TIPIN: variants seen among roughly 807,000 people sequenced by gnomAD.
The protein encoded by TIPIN is TIMELESS-interacting protein.
A neutral mutation model predicts 35.6 loss-of-function variants in TIPIN; 29 were observed. The ratio of observed to expected loss-of-function variants is 0.82; its 90% CI spans 0.61 to 1.11. The LOEUF (loss-of-function observed/expected upper bound fraction) is 1.11, where lower values mean the gene tolerates loss of function less well. TIPIN is among the 50% of genes most tolerant of loss of function. TIPIN has a pLI of 0.00. For synonymous variants in TIPIN, 102 were observed against 121.5 expected (o/e 0.84, Z 1.06); for missense variants, 296 against 345.4 (o/e 0.86, Z 1.13).
intron 1 of TIPIN, 62 bp from the exon 2 acceptor site, chr15:66,353,017 T>A: frequency 6.8e-7 from 1 of 1,479,362 alleles, no homozygotes. Context: ...TATAGACAAG[T>A]TCTACCTGCA....
chr15:66,369,286 G>T (rs2093269002), intron 1 of TIPIN, among the ~76,000 whole-genome samples: 1 of 151,490 alleles, frequency 6.6e-6, no homozygotes, highest in Non-Finnish European at 1.5e-5. Context: ...GAGATTCCTT[G>T]CTCCCTGGGA....
upstream of TIPIN, among the ~76,000 whole-genome samples, chr15:66,359,026 T>C (rs1181356959): frequency 4.7e-5 from 7 of 148,184 alleles, no homozygotes; most frequent in South Asian, 4.3e-4. Flanking sequence ...CTGGGTGATA[T>C]AACTAGACTC....
At chr15:66,353,013 C>T in intron 1 of TIPIN, 58 bp from the exon 2 acceptor site, 2 of 1,490,140 alleles carry the variant, frequency 1.3e-6, no homozygotes, top group Admixed American at 2.0e-5. Flanking sequence ...ACTATATAGA[C>T]AAGTTCTACC....
chr15:66,336,521 T>C lies in TIPIN; in HGVS notation c.*437A>G. ...GTGAGCCAAGACTGTGCCACTGCACTCCAGCCTGGCCAACAGAGTGAGACT... is the reference window on the plus strand; with the variant it reads ...GTGAGCCAAGACTGTGCCACTGCACCCCAGCCTGGCCAACAGAGTGAGACT... On this transcript the variant is annotated 3_prime_UTR_variant, in exon 8 of 8. Coordinates refer to ENST00000261881, the MANE Select transcript of TIPIN (RefSeq NM_017858.3). 1 of 171,210 alleles carries C rather than the reference T, an allele frequency of 5.8e-6. No homozygotes were observed. Among genetic ancestry groups the C allele is most frequent in the Non-Finnish European group, 1.3e-5 (1 of 78,748 alleles). 10.6% of individuals were successfully genotyped at this position (171,210 alleles called of 1,614,324 possible). A position where few individuals can be genotyped will look rare whatever the true frequency, so the allele number is the denominator to read the frequency against.
intron 1 of TIPIN, among the ~76,000 whole-genome samples, chr15:66,381,164 G>A (rs1395685037): frequency 3.3e-5 from 5 of 152,090 alleles, no homozygotes; most frequent in African/African-American, 4.8e-5. Flanking sequence ...GGCCGGGCAC[G>A]GTGGCTCACA....
At chr15:66,347,004 C>T (rs960387195) in intron 6 of TIPIN, among the ~76,000 whole-genome samples, 1 of 152,012 alleles carries the variant, frequency 6.6e-6, no homozygotes, top group African/African-American at 2.4e-5. Flanking sequence ...ACCATGTTAG[C>T]CAGGATGGTC....
In TIPIN at chr15:66,352,797, A is replaced by C. The variant is rs2093176894; in HGVS notation, c.133+18T>G. On this transcript the variant is annotated intron_variant, in intron 2 of 7. Coordinates refer to ENST00000261881, the MANE Select transcript of TIPIN (RefSeq NM_017858.3). Reference sequence around the variant, plus strand: ...TGCCTGGCCTCACAGCCTCCTTTTTAAAACTCTCTATACATACCTTCATCA... The same window carrying C: ...TGCCTGGCCTCACAGCCTCCTTTTTCAAACTCTCTATACATACCTTCATCA... The C allele has an allele frequency of 6.3e-7, 1 of 1,587,516 alleles. No homozygotes were observed. Among genetic ancestry groups the C allele is most frequent in the South Asian group, 1.1e-5 (1 of 87,818 alleles).
At chr15:66,356,107 A>G (rs1009520374) in intron 1 of TIPIN, among the ~76,000 whole-genome samples, 1 of 152,126 alleles carries the variant, frequency 6.6e-6, no homozygotes, top group Non-Finnish European at 1.5e-5. Context: ...TGTCCAAACC[A>G]CGGTTTGTTC....
At chr15:66,367,535 C>T (rs2093261176) in intron 1 of TIPIN, among the ~76,000 whole-genome samples, 1 of 151,646 alleles carries the variant, frequency 6.6e-6, no homozygotes, top group Non-Finnish European at 1.5e-5. Context: ...GCTGGAACTA[C>T]AGGCACCCAC....
chr15:66,360,881 G>A (rs1013458040), upstream of TIPIN, among the ~76,000 whole-genome samples: 7 of 152,112 alleles, frequency 4.6e-5, no homozygotes, highest in South Asian at 2.1e-4. Context: ...CTGGAGAATC[G>A]CTTGAACCCA....
chr15:66,359,184 C>G (rs549539890), upstream of TIPIN, among the ~76,000 whole-genome samples: 3 of 151,426 alleles, frequency 2.0e-5, no homozygotes, highest in African/African-American at 7.3e-5. Context: ...GACACACACA[C>G]ACACACACAC....
intron 1 of TIPIN, among the ~76,000 whole-genome samples, chr15:66,354,247 C>T (rs369404902): frequency 1.3e-5 from 2 of 152,160 alleles, no homozygotes; most frequent in African/African-American, 2.4e-5. Context: ...ACTTCCTAAA[C>T]GCCTGAAAGG....
chr15:66,360,592 G>A (rs1212156455), upstream of TIPIN, among the ~76,000 whole-genome samples: 2 of 152,196 alleles, frequency 1.3e-5, no homozygotes, highest in African/African-American at 2.4e-5. Flanking sequence ...CACTTTGGGA[G>A]GCCAAGGCAG....
At chr15:66,352,732 C>T (rs1401338438) in intron 2 of TIPIN, 83 bp downstream of exon 2, 11 of 1,425,188 alleles carry the variant, frequency 7.7e-6, no homozygotes, top group Non-Finnish European at 1.0e-5. Context: ...CCGCCCGCCT[C>T]AGCATCCCAA....
intron 1 of TIPIN, among the ~76,000 whole-genome samples, chr15:66,353,307 A>G (rs1256214956): frequency 6.6e-6 from 1 of 151,742 alleles, no homozygotes; most frequent in Non-Finnish European, 1.5e-5. Flanking sequence ...CCCCACTTCA[A>G]TTAGAGCTGC....
chr15:66,359,984 T>A (rs1398160335), upstream of TIPIN, among the ~76,000 whole-genome samples: 2 of 152,160 alleles, frequency 1.3e-5, no homozygotes, highest in East Asian at 3.9e-4. Flanking sequence ...CATAGCTCAC[T>A]GTAACCGTGA....
intron 1 of TIPIN, among the ~76,000 whole-genome samples, chr15:66,361,789 C>G (rs2093232444): frequency 6.6e-6 from 1 of 151,968 alleles, no homozygotes; most frequent in Non-Finnish European, 1.5e-5. Flanking sequence ...GGGCAGATCA[C>G]CTGAGGCCAG....
At chr15:66,375,626 G>C (rs2093293924) in intron 1 of TIPIN, among the ~76,000 whole-genome samples, 1 of 150,210 alleles carries the variant, frequency 6.7e-6, no homozygotes, top group Admixed American at 6.7e-5. Flanking sequence ...ATCACTTGAG[G>C]TCAGGAGTTT....
chr15:66,367,842 T>G (rs1566983518), intron 1 of TIPIN, among the ~76,000 whole-genome samples: 2 of 150,240 alleles, frequency 1.3e-5, no homozygotes, highest in African/African-American at 2.4e-5. Flanking sequence ...TGTTTTTGTT[T>G]TTTTTTTTTT....
Sources: gnomAD v4.1 joint callset for allele counts (sites outside exome capture counted in the v4.1 genomes callset) on GRCh38, gnomAD v4.1.1 for gene constraint, MANE v1.5 for transcripts, NCBI Gene and HGNC (gene_info 2026-07-23, HGNC 2026-07-21) for gene names.